The following PSMD1 variants were observed in gnomAD, a reference collection of about 807,000 sequenced individuals.
PSMD1 encodes 26S proteasome non-ATPase regulatory subunit 1.
In PSMD1, 18 loss-of-function variants were observed where a neutral mutation model predicts 119.0. The ratio of observed to expected loss-of-function variants is 0.15; its 90% CI spans 0.10 to 0.22. The LOEUF is 0.22. PSMD1 is among the 10% of genes least tolerant of loss of function. PSMD1 has a pLI of 1.00. For missense variants in PSMD1, 702 were observed against 1,158.5 expected, an observed-to-expected ratio of 0.61 and a Z score of 5.72; for synonymous variants, 374 against 396.6, an observed-to-expected ratio of 0.94 and a Z score of 0.68.
intron 16 of PSMD1, among the ~76,000 whole-genome samples, chr2:231,113,480 T>A (rs1318870941): frequency 1.3e-5 from 2 of 152,214 alleles, no homozygotes; most frequent in East Asian, 3.8e-4. Flanking sequence ...CAGAAAGAAA[T>A]CTCAATAAAC....
rs117532052 is a variant in PSMD1, at chr2:231,135,350, G to A, written c.1884-3386G>A. On this transcript the variant is annotated intron_variant, in intron 16 of 24. Transcript: ENST00000308696. ...TATAATAATTGGTTCATTTTTAAATGCTGTAGAATTGTAAAGTTGGAACAG... is the reference window on the plus strand; with the variant it reads ...TATAATAATTGGTTCATTTTTAAATACTGTAGAATTGTAAAGTTGGAACAG... 1.1e-3 allele frequency among the ~76,000 whole-genome samples: 160 copies of A among 152,212 alleles called. No homozygotes were observed. The East Asian group carries it at 0.023, about 22-fold the overall frequency.
chr2:231,093,206 C>A (rs1694642321), intron 16 of PSMD1, among the ~76,000 whole-genome samples: 1 of 152,084 alleles, frequency 6.6e-6, no homozygotes, highest in Non-Finnish European at 1.5e-5. Context: ...AAGAGATGAG[C>A]CCAATAGAGA....
At chr2:231,168,741 A>C (rs900449020) in intron 23 of PSMD1, among the ~76,000 whole-genome samples, 1 of 152,248 alleles carries the variant, frequency 6.6e-6, no homozygotes, top group East Asian at 1.9e-4. Flanking sequence ...ATAGCTGCAC[A>C]AGTTTGTGAA....
chr2:231,090,144 A>T (rs768782727), intron 16 of PSMD1, among the ~76,000 whole-genome samples: 1 of 152,256 alleles, frequency 6.6e-6, no homozygotes, highest in Non-Finnish European at 1.5e-5. Context: ...CAAGGAGATT[A>T]ATGTTATTTT....
chr2:231,152,429 C>T (rs1276345766), intron 18 of PSMD1, among the ~76,000 whole-genome samples: 3 of 152,240 alleles, frequency 2.0e-5, no homozygotes, highest in South Asian at 2.1e-4. Context: ...CATTACACGA[C>T]GTATATGTTA....
intron 12 of PSMD1, among the ~76,000 whole-genome samples, chr2:231,081,848 T>C (rs1200847996): frequency 1.3e-5 from 2 of 152,202 alleles, no homozygotes; most frequent in Admixed American, 1.3e-4. Flanking sequence ...GATACCTTTT[T>C]CTCCTCTGTC....
chr2:231,148,096 T>G lies in PSMD1; in HGVS notation c.2115+1740T>G, dbSNP rs368265967. Reference sequence around the variant, plus strand: ...TTTTATAACGTATTACTTAATATACTACATCTTCTAGAACATAAACATCTT... The same window carrying G: ...TTTTATAACGTATTACTTAATATACGACATCTTCTAGAACATAAACATCTT... On this transcript the variant is annotated intron_variant, in intron 18 of 24. Transcript: ENST00000308696. 1.2e-4 allele frequency among the ~76,000 whole-genome samples: 19 copies of G among 152,370 alleles called. No individual in the cohort carries two copies. The South Asian group carries it at 2.7e-3, about 22-fold the overall frequency.
intron 4 of PSMD1, among the ~76,000 whole-genome samples, chr2:231,065,879 A>G (rs983212124): frequency 6.6e-6 from 1 of 152,240 alleles, no homozygotes; most frequent in Non-Finnish European, 1.5e-5. Context: ...CCTCACATTG[A>G]GACAATAAAT....
chr2:231,110,362 A>ATATTTC (rs2125207375), intron 16 of PSMD1, among the ~76,000 whole-genome samples: 1 of 152,148 alleles, frequency 6.6e-6, no homozygotes, highest in Non-Finnish European at 1.5e-5. Flanking sequence ...AATATACCTC[A>ATATTTC]TGTTAGTTTT....
chr2:231,092,660 C>T (rs1216401555), intron 16 of PSMD1, among the ~76,000 whole-genome samples: 3 of 152,184 alleles, frequency 2.0e-5, no homozygotes, highest in Non-Finnish European at 2.9e-5. Flanking sequence ...TATGGTTGCT[C>T]TGCAAGTGTC....
rs1310883989 is a variant in PSMD1 at position 231,172,760 on chromosome 2, ACATTTGTTTTT to A, written c.*238_*248del. 6.6e-6 allele frequency: 1 copy of A among 152,192 alleles called. No individual in the cohort carries two copies. The highest frequency in any genetic ancestry group is 2.4e-5 in the African/African-American group (1 of 41,438). 9.4% of individuals were successfully genotyped at this position (152,192 alleles called of 1,614,324 possible). A position where few individuals can be genotyped will look rare whatever the true frequency, so the allele number is the denominator to read the frequency against. ...AATATAAGATCTCCAGATGGACAAG[ACATTTGTTTTT>A]CAGCCTGGGTTTTTAATAAATGTAT... is the stretch of plus-strand genomic sequence containing the variant. On this transcript the variant is annotated 3_prime_UTR_variant, in exon 25 of 25. Coordinates refer to ENST00000308696, the MANE Select transcript of PSMD1 (RefSeq NM_002807.4).
intron 17 of PSMD1, 89 bp downstream of exon 17, chr2:231,138,939 C>A: frequency 1.1e-6 from 1 of 938,602 alleles, no homozygotes; most frequent in Non-Finnish European, 1.7e-6. Context: ...TGTAAAAATA[C>A]AAGTGCAATG....
chr2:231,144,418 A>ATTTTT (rs751682132), intron 17 of PSMD1, among the ~76,000 whole-genome samples: 106 of 75,190 alleles, frequency 1.4e-3, no homozygotes, highest in East Asian at 2.3e-3. Context: ...CGCCCAGCTA[A>ATTTTT]TTTTTTTTTT....
At chr2:231,113,845 A>G in intron 16 of PSMD1, 1 of 1,614,186 alleles carries the variant, frequency 6.2e-7, no homozygotes, top group South Asian at 1.1e-5. Flanking sequence ...AATGGCACAG[A>G]GATGCATGAT....
chr2:231,139,127 T>A (rs1176041256), intron 17 of PSMD1: 3 of 444,488 alleles, frequency 6.7e-6, no homozygotes, highest in Non-Finnish European at 1.3e-5. Context: ...TGTTTTTGTT[T>A]TTTTTGTTTG....
chr2:231,062,367 A>T, intron 3 of PSMD1, 46 bp downstream of exon 3: 1 of 1,529,724 alleles, frequency 6.5e-7, no homozygotes, highest in Non-Finnish European at 9.0e-7. Flanking sequence ...ATCAAATTTA[A>T]TTGTGAATGT....
At chr2:231,168,546 G>A (rs553155897) in intron 23 of PSMD1, among the ~76,000 whole-genome samples, 24 of 152,170 alleles carry the variant, frequency 1.6e-4, no homozygotes, top group Admixed American at 7.9e-4. Flanking sequence ...GAAGCCAGAC[G>A]TAAAAGACTG....
At chr2:231,163,903 C>CAT (rs1696696551) in intron 21 of PSMD1, among the ~76,000 whole-genome samples, 176 bp downstream of exon 21, 1 of 152,218 alleles carries the variant, frequency 6.6e-6, no homozygotes, top group African/African-American at 2.4e-5. Context: ...ATCCAAGTCT[C>CAT]ATGTCACAGG....
chr2:231,142,394 G>A (rs1324306152), intron 17 of PSMD1, among the ~76,000 whole-genome samples: 2 of 152,034 alleles, frequency 1.3e-5, no homozygotes, highest in African/African-American at 4.8e-5. Flanking sequence ...TTCCCCCCTC[G>A]AGTCTTAAGT....
Sources: gnomAD v4.1 joint callset for allele counts (sites outside exome capture counted in the v4.1 genomes callset) on GRCh38, gnomAD v4.1.1 for gene constraint, MANE v1.5 for transcripts, NCBI Gene and HGNC (gene_info 2026-07-23, HGNC 2026-07-21) for gene names.